Variants in DIAPH2 observed in about 807,000 individuals in gnomAD.
The protein encoded by DIAPH2 is protein diaphanous homolog 2.
In DIAPH2, 35 loss-of-function variants were observed where a neutral mutation model predicts 92.7. The ratio of observed to expected loss-of-function variants is 0.38; its 90% CI spans 0.29 to 0.50. The LOEUF (loss-of-function observed/expected upper bound fraction) is 0.50, where lower values mean the gene tolerates loss of function less well. Ranked by LOEUF, DIAPH2 falls within the 20% of genes least tolerant of loss-of-function variation. The pLI is 0.94. For synonymous variants in DIAPH2, 301 were observed against 280.4 expected (o/e 1.07, Z -0.73); for missense variants, 701 against 819.5 (o/e 0.86, Z 1.77).
intron 23 of DIAPH2, among the ~76,000 whole-genome samples, chrX:97,345,222 C>T (rs1213067170): frequency 3.6e-5 from 4 of 111,497 alleles, no homozygotes; most frequent in Admixed American, 9.6e-5. Context: ...TTTGTTTTTT[C>T]GGGTCTATTG....
At chrX:96,890,957 C>T (rs939258274) in intron 5 of DIAPH2, among the ~76,000 whole-genome samples, 2 of 111,305 alleles carry the variant, frequency 1.8e-5, no homozygotes, top group Non-Finnish European at 3.8e-5. Context: ...TTCATGCATG[C>T]ATGTCTGTTT....
intron 22 of DIAPH2, among the ~76,000 whole-genome samples, chrX:97,214,530 T>TA (rs11394257): frequency 0.044 from 4,743 of 107,207 alleles, 299 homozygotes; most frequent in African/African-American, 0.15. Flanking sequence ...AAATTTCCTT[T>TA]AAAAAAAAAA....
rs138587920 is a variant in DIAPH2, at chrX:97,468,486, G to A, written c.3241+38741G>A. 5.7e-3 allele frequency among the ~76,000 whole-genome samples: 630 copies of A among 110,844 alleles called. 2 individuals are homozygous for A. Among genetic ancestry groups the A allele is most frequent in the African/African-American group, 0.02 (597 of 30,535 alleles). On this transcript the variant is annotated intron_variant, in intron 26 of 26. Coordinates refer to ENST00000324765, the MANE Select transcript of DIAPH2 (RefSeq NM_006729.5). ...CTTTACCGCCCCATTTCCCATTCTT[G>A]GCTTTAACAAAATTTGACAAAATTA...
chrX:96,898,417 T>A (rs1327465104), intron 5 of DIAPH2, among the ~76,000 whole-genome samples: 4 of 81,545 alleles, frequency 4.9e-5, no homozygotes, highest in Admixed American at 2.7e-4. Context: ...TGATTGCCAT[T>A]CTAACTGGTG....
chrX:97,579,898 GGATTCC>G (rs1383507341), intron 26 of DIAPH2, among the ~76,000 whole-genome samples: 83 of 108,777 alleles, frequency 7.6e-4, no homozygotes, highest in African/African-American at 2.7e-3. Context: ...CTTGTAAGTT[GGATTCC>G]TAGCTATTTT....
intron 24 of DIAPH2, among the ~76,000 whole-genome samples, chrX:97,372,069 A>C (rs2069452815): frequency 8.9e-6 from 1 of 112,631 alleles, no homozygotes; most frequent in East Asian, 2.8e-4. Flanking sequence ...CTGCAGCATT[A>C]GAAAACCTAT....
intron 26 of DIAPH2, among the ~76,000 whole-genome samples, chrX:97,486,142 T>G (rs2070686975): frequency 1.8e-5 from 2 of 111,732 alleles, no homozygotes; most frequent in Non-Finnish European, 1.9e-5. Flanking sequence ...CCGGTGTAAT[T>G]TAAAATAAAA....
chrX:96,781,676 A>G (rs2064418771), intron 4 of DIAPH2, among the ~76,000 whole-genome samples: 1 of 110,264 alleles, frequency 9.1e-6, no homozygotes, highest in Non-Finnish European at 1.9e-5. Context: ...TTTTTCTACA[A>G]ACATTATATT....
intron 1 of DIAPH2, among the ~76,000 whole-genome samples, chrX:96,716,735 C>T (rs768170782): frequency 1.8e-5 from 2 of 111,399 alleles, no homozygotes; most frequent in Admixed American, 9.5e-5. Flanking sequence ...CCAGTAAAGC[C>T]ATAGTGTTGG....
At chrX:97,261,799 G>A (rs2068289889) in intron 23 of DIAPH2, among the ~76,000 whole-genome samples, 1 of 111,232 alleles carries the variant, frequency 9.0e-6, no homozygotes, top group East Asian at 2.8e-4. Flanking sequence ...TATGTACAAA[G>A]GGATTGTATT....
At chrX:97,415,906 A>C (rs915348431) in intron 25 of DIAPH2, among the ~76,000 whole-genome samples, 2 of 111,673 alleles carry the variant, frequency 1.8e-5, no homozygotes, top group African/African-American at 6.5e-5. Flanking sequence ...CATGGACAGG[A>C]ACTAGAAGCT....
chrX:97,214,836 T>TAA (rs368311868), intron 22 of DIAPH2, among the ~76,000 whole-genome samples: 3 of 62,808 alleles, frequency 4.8e-5, no homozygotes, highest in African/African-American at 1.8e-4. Context: ...CGTCTCAAAT[T>TAA]AAAAAAAAAA....
In DIAPH2 at chrX:97,417,886, G is replaced by A. The variant is rs12687080; in HGVS notation, c.3146-11764G>A. Among the ~76,000 whole-genome samples, 270 of 109,078 alleles carry A rather than the reference G, an allele frequency of 2.5e-3. 7 individuals carry two copies. The East Asian group carries it at 0.065, about 26-fold the overall frequency. 94.7% of individuals were successfully genotyped at this position (109,078 alleles called of 115,157 possible). ...TGATAAAGTTTAATTTATAAATTAGGCACAGTAAGTGATTAACAACCACAA... is the reference window on the plus strand; with the variant it reads ...TGATAAAGTTTAATTTATAAATTAGACACAGTAAGTGATTAACAACCACAA... On this transcript the variant is annotated intron_variant, in intron 25 of 26. Transcript: ENST00000324765.
At chrX:97,297,604 CT>C (rs11356320) in intron 23 of DIAPH2, among the ~76,000 whole-genome samples, 25,888 of 72,636 alleles carry the variant, frequency 0.36, 3,610 homozygotes, top group East Asian at 0.59. Flanking sequence ...TTTTAGTGCA[CT>C]TTTTTTTTTT....
chrX:97,346,162 A>C lies in DIAPH2; in HGVS notation c.2845-1954A>C, dbSNP rs1461703892. Among the ~76,000 whole-genome samples the C allele has an allele frequency of 5.4e-5, 6 of 111,425 alleles. No homozygotes were observed. The Admixed American group carries it at 5.8e-4, about 11-fold the overall frequency. On this transcript the variant is annotated intron_variant, in intron 23 of 26. Coordinates refer to ENST00000324765, the MANE Select transcript of DIAPH2 (RefSeq NM_006729.5). ...CTTAATTTTCTAGAACATACTACTC[A>C]AAGTGTGGGCCTGGACCAGCAACAT...
chrX:97,238,673 G>A (rs2068068296), intron 22 of DIAPH2, among the ~76,000 whole-genome samples: 1 of 109,375 alleles, frequency 9.1e-6, no homozygotes, highest in Non-Finnish European at 1.9e-5. Context: ...TTCTTTAAAG[G>A]CCAAAGAAGC....
intron 26 of DIAPH2, among the ~76,000 whole-genome samples, chrX:97,530,860 A>G (rs556494375): frequency 1.9e-3 from 213 of 112,077 alleles, no homozygotes; most frequent in African/African-American, 6.7e-3. Context: ...AACTGTTTCA[A>G]TAAGGAAAGA....
chrX:97,368,449 A>AT (rs371025779), intron 24 of DIAPH2, among the ~76,000 whole-genome samples: 127 of 112,219 alleles, frequency 1.1e-3, no homozygotes, highest in African/African-American at 3.8e-3. Context: ...GTGAGGCTGT[A>AT]TTTTGTATAA....
At chrX:97,577,259 G>A (rs2071405105) in intron 26 of DIAPH2, among the ~76,000 whole-genome samples, 1 of 112,060 alleles carries the variant, frequency 8.9e-6, no homozygotes, top group African/African-American at 3.2e-5. Flanking sequence ...TGTATATATG[G>A]GAACAAATGA....
Sources: gnomAD v4.1 joint callset for allele counts (sites outside exome capture counted in the v4.1 genomes callset) on GRCh38, gnomAD v4.1.1 for gene constraint, MANE v1.5 for transcripts, NCBI Gene and HGNC (gene_info 2026-07-23, HGNC 2026-07-21) for gene names.